The following NETO2 variants were observed in gnomAD, a reference collection of about 807,000 sequenced individuals.
NETO2 encodes neuropilin and tolloid like 2.
In NETO2, 28 loss-of-function variants were observed where a neutral mutation model predicts 62.5. The observed-to-expected ratio is 0.45, with a 90% CI of 0.33 to 0.61. The LOEUF (loss-of-function observed/expected upper bound fraction) is 0.61, where lower values mean the gene tolerates loss of function less well. NETO2 is among the 20% of genes least tolerant of loss of function. The pLI, the probability that NETO2 is intolerant of heterozygous loss-of-function variation, is 0.02. For synonymous variants in NETO2, 214 were observed against 219.1 expected, an observed-to-expected ratio of 0.98 and a Z score of 0.21; for missense variants, 548 against 643.2, an observed-to-expected ratio of 0.85 and a Z score of 1.60.
chr16:47,090,955 C>T (rs1963299359), intron 7 of NETO2, among the ~76,000 whole-genome samples: 1 of 152,154 alleles, frequency 6.6e-6, no homozygotes, highest in Non-Finnish European at 1.5e-5. Flanking sequence ...ATATAAACCT[C>T]TTCTGAAATA....
intron 2 of NETO2, among the ~76,000 whole-genome samples, chr16:47,130,283 T>TG (rs983342344): frequency 3.3e-5 from 5 of 152,138 alleles, no homozygotes; most frequent in African/African-American, 7.2e-5. Flanking sequence ...AAAGGCTTGA[T>TG]GCAGATGCAG....
intron 1 of NETO2, among the ~76,000 whole-genome samples, chr16:47,134,323 T>C (rs973795753): frequency 3.9e-5 from 6 of 152,198 alleles, no homozygotes; most frequent in Non-Finnish European, 8.8e-5. Flanking sequence ...TAACGTTAAT[T>C]TCCCCCTTCC....
chr16:47,104,232 A>G (rs540900271), intron 7 of NETO2, among the ~76,000 whole-genome samples: 2 of 152,360 alleles, frequency 1.3e-5, no homozygotes, highest in South Asian at 2.1e-4. Flanking sequence ...ATTTCTAAAC[A>G]CTGCCAATTA....
At chr16:47,125,357 T>G (rs1333232077) in intron 4 of NETO2, among the ~76,000 whole-genome samples, 1 of 152,088 alleles carries the variant, frequency 6.6e-6, no homozygotes, top group Non-Finnish European at 1.5e-5. Flanking sequence ...TAGTTTTTTT[T>G]TTTTTTCTGA....
At chr16:47,132,086 CAATA>C in intron 1 of NETO2, 61 bp from the exon 2 acceptor site, 3 of 1,245,460 alleles carry the variant, frequency 2.4e-6, no homozygotes, top group Non-Finnish European at 3.5e-6. Context: ...TTTACTAAGT[CAATA>C]AATAAAATTG....
intron 7 of NETO2, among the ~76,000 whole-genome samples, chr16:47,108,949 A>T (rs1963730857): frequency 6.6e-6 from 1 of 152,210 alleles, no homozygotes; most frequent in Non-Finnish European, 1.5e-5. Flanking sequence ...AGTTTCATGG[A>T]TTCATAACTA....
chr16:47,088,934 G>A (rs933343377), intron 7 of NETO2, among the ~76,000 whole-genome samples: 2 of 152,142 alleles, frequency 1.3e-5, no homozygotes, highest in African/African-American at 2.4e-5. Context: ...GTAGGTCCAC[G>A]GTGAATATCC....
At chr16:47,132,691 C>G (rs1055815566) in intron 1 of NETO2, among the ~76,000 whole-genome samples, 28 of 152,340 alleles carry the variant, frequency 1.8e-4, no homozygotes, top group African/African-American at 6.5e-4. Flanking sequence ...GCTGCACTCT[C>G]CCTTTCAAAG....
chr16:47,143,627 C>A lies in NETO2; in HGVS notation c.-15G>T. 1 of 1,221,074 alleles carries A rather than the reference C, an allele frequency of 8.2e-7. No individual in the cohort carries two copies. The highest frequency in any genetic ancestry group is 1.0e-6 in the Non-Finnish European group (1 of 977,654). 75.6% of individuals were successfully genotyped at this position (1,221,074 alleles called of 1,614,324 possible). ...TCCAGGGCCATGTTCCCGAGCTGCC[C>A]GGCGCTTCGCGAAGGGCTGAGGTAG... On this transcript the variant is annotated 5_prime_UTR_variant, in exon 1 of 9. Transcript: ENST00000562435.
chr16:47,127,149 C>T (rs3095623), intron 4 of NETO2, among the ~76,000 whole-genome samples: 152,105 of 152,386 alleles, frequency 1, 75,912 homozygotes, highest in Middle Eastern at 1. Flanking sequence ...ATTTCTTGCA[C>T]GAAAAATAAA....
intron 1 of NETO2, among the ~76,000 whole-genome samples, chr16:47,139,506 C>T (rs1006284038): frequency 6.6e-6 from 1 of 152,200 alleles, no homozygotes; most frequent in African/African-American, 2.4e-5. Flanking sequence ...AAATCCAACA[C>T]AGAGAACCAC....
chr16:47,092,994 T>C (rs1963344812), intron 7 of NETO2, among the ~76,000 whole-genome samples: 2 of 152,214 alleles, frequency 1.3e-5, no homozygotes, highest in South Asian at 4.1e-4. Context: ...TTGTCCTCAC[T>C]GCCCCTGCTT....
chr16:47,121,454 C>T (rs994237143), intron 6 of NETO2, among the ~76,000 whole-genome samples: 5 of 152,172 alleles, frequency 3.3e-5, no homozygotes, highest in Admixed American at 6.5e-5. Flanking sequence ...CTGGGTTGAG[C>T]AGGGAATGTA....
At chr16:47,136,098 C>T (rs1475949682) in intron 1 of NETO2, among the ~76,000 whole-genome samples, 1 of 152,060 alleles carries the variant, frequency 6.6e-6, no homozygotes, top group Non-Finnish European at 1.5e-5. Context: ...CTTAACAAAA[C>T]GTTTCTGATG....
chr16:47,117,291 A>G (rs1488055291), intron 6 of NETO2, among the ~76,000 whole-genome samples: 2 of 152,166 alleles, frequency 1.3e-5, no homozygotes, highest in Non-Finnish European at 2.9e-5. Flanking sequence ...GGTAGACCTC[A>G]AGATCTCAAT....
At position 47,079,845 on chromosome 16, in the gene NETO2, A is replaced by G. The variant is rs1337969018; in HGVS notation, c.*3376T>C. On this transcript the variant is annotated 3_prime_UTR_variant, in exon 9 of 9. Coordinates refer to ENST00000562435, the MANE Select transcript of NETO2 (RefSeq NM_018092.5). ...AATATATAGCAGACCCCATTTTGCA[A>G]TAAGAGTATAATCTCCTTTGAGAAT... 6.6e-6 allele frequency: 1 copy of G among 152,242 alleles called. No individual in the cohort carries two copies. Among genetic ancestry groups the G allele is most frequent in the South Asian group, 2.1e-4 (1 of 4,832 alleles). The allele number at this position is 152,242 out of a possible 1,614,324, so 9.4% of individuals were successfully genotyped here. A position where few individuals can be genotyped will look rare whatever the true frequency, so the allele number is the denominator to read the frequency against.
At chr16:47,136,538 T>C (rs1964364177) in intron 1 of NETO2, among the ~76,000 whole-genome samples, 2 of 152,148 alleles carry the variant, frequency 1.3e-5, no homozygotes, top group South Asian at 4.1e-4. Context: ...CCTGAGTAGC[T>C]GGGACTACAG....
rs1963089417 is a variant in NETO2 at position 47,082,507 on chromosome 16, A to C, written c.*714T>G. ...TGGTACATATATCCCAGGATTATGA[A>C]ATTTTCTAGTATAACTGAGAAAAAT... On this transcript the variant is annotated 3_prime_UTR_variant, in exon 9 of 9. Transcript: ENST00000562435. 6.6e-6 allele frequency: 1 copy of C among 152,252 alleles called. No individual in the cohort carries two copies. Among genetic ancestry groups the C allele is most frequent in the Non-Finnish European group, 1.5e-5 (1 of 68,040 alleles). 9.4% of individuals were successfully genotyped at this position (152,252 alleles called of 1,614,324 possible).
intron 6 of NETO2, among the ~76,000 whole-genome samples, chr16:47,113,862 G>C (rs1963853986): frequency 6.6e-6 from 1 of 151,854 alleles, no homozygotes; most frequent in Non-Finnish European, 1.5e-5. Flanking sequence ...CAAAGTGCTG[G>C]GATTATAGGC....
Sources: allele counts gnomAD v4.1 joint callset (sites outside exome capture counted in the v4.1 genomes callset), GRCh38; gene constraint gnomAD v4.1.1; transcripts MANE v1.5; gene names NCBI Gene and HGNC (gene_info 2026-07-23, HGNC 2026-07-21).